CCDC171: variants seen among roughly 807,000 people sequenced by gnomAD.
The protein encoded by CCDC171 is coiled-coil domain containing 171.
A neutral mutation model predicts 168.2 loss-of-function variants in CCDC171; 177 were observed. That is an observed-to-expected ratio of 1.05 (90% CI 0.93 to 1.19). CCDC171 has a LOEUF of 1.19. Among genes scored for constraint, CCDC171 ranks in the 50% most tolerant of loss-of-function variants. The pLI, the probability that CCDC171 is intolerant of heterozygous loss-of-function variation, is 0.00. For missense variants in CCDC171, 1,991 were observed against 1,539.0 expected (o/e 1.29, Z -4.91); for synonymous variants, 687 against 540.8 (o/e 1.27, Z -3.75).
intron 7 of CCDC171, among the ~76,000 whole-genome samples, chr9:15,656,327 A>G (rs1326705971): frequency 6.6e-6 from 1 of 152,116 alleles, no homozygotes; most frequent in Admixed American, 6.5e-5. Context: ...GTCTCAAAAA[A>G]AAAAAAAAAC....
At chr9:15,652,538 C>G (rs536189178) in intron 7 of CCDC171, among the ~76,000 whole-genome samples, 2 of 151,598 alleles carry the variant, frequency 1.3e-5, no homozygotes, top group Non-Finnish European at 2.9e-5. Context: ...TCAAGCCATT[C>G]TCTCACCTTA....
chr9:16,072,366 G>A, the CCDC171 span, among the ~76,000 whole-genome samples: 6,075 of 152,202 alleles, frequency 0.04, 381 homozygotes, highest in African/African-American at 0.13. Flanking sequence ...GAGGCAGGGA[G>A]CTCCTCTGGC....
intron 16 of CCDC171, among the ~76,000 whole-genome samples, chr9:15,732,491 G>A (rs1349718446): frequency 2.6e-5 from 4 of 152,038 alleles, no homozygotes; most frequent in African/African-American, 9.7e-5. Context: ...CCACAGACTT[G>A]TCCATCTATA....
intron 6 of CCDC171, among the ~76,000 whole-genome samples, chr9:15,609,544 T>C (rs1274983135): frequency 6.6e-6 from 1 of 152,204 alleles, no homozygotes; most frequent in African/African-American, 2.4e-5. Context: ...TTTTTCCAAA[T>C]AGATAGCCAA....
At chr9:16,073,592 CATTTAT>C in the CCDC171 span, among the ~76,000 whole-genome samples, 2 of 152,024 alleles carry the variant, frequency 1.3e-5, no homozygotes, top group African/African-American at 4.8e-5. Context: ...GAATATAAAC[CATTTAT>C]ATTTATATTT....
rs894677717 is a variant in CCDC171, at chr9:16,053,444, A to C, written n.90-7202A>C. Among the ~76,000 whole-genome samples, 37 of 152,250 alleles carry C rather than the reference A, an allele frequency of 2.4e-4. 1 individual carries two copies. The highest frequency in any genetic ancestry group is 2.4e-3 in the Admixed American group (37 of 15,290). Reference sequence around the variant, plus strand: ...TAAGGGCTCACATGTCAGCCCTGCCACTTACATGCTCTGTGTCTAGTCAGG... The same window carrying C: ...TAAGGGCTCACATGTCAGCCCTGCCCCTTACATGCTCTGTGTCTAGTCAGG... On this transcript the variant is annotated intron_variant and non_coding_transcript_variant, in intron 1 of 1. Transcript: ENST00000478913.
intron 1 of CCDC171, among the ~76,000 whole-genome samples, chr9:15,556,373 C>G (rs193054966): frequency 2.4e-4 from 36 of 152,114 alleles, no homozygotes; most frequent in African/African-American, 8.4e-4. Flanking sequence ...AAAAGTGTTC[C>G]TATTTCTCCA....
At chr9:15,896,446 G>C (rs1820911407) in intron 24 of CCDC171, among the ~76,000 whole-genome samples, 2 of 152,168 alleles carry the variant, frequency 1.3e-5, no homozygotes, top group African/African-American at 4.8e-5. Context: ...AACTTTGAGT[G>C]ATGGGATAAG....
intron 19 of CCDC171, 63 bp from the exon 20 acceptor site, chr9:15,778,905 G>T (rs2057497272): frequency 5.3e-6 from 6 of 1,140,392 alleles, no homozygotes; most frequent in East Asian, 5.6e-5. Context: ...TAGTAAAATG[G>T]TTATTGCTAT....
At chr9:15,925,591 G>C (rs149401778) in intron 25 of CCDC171, among the ~76,000 whole-genome samples, 1 of 151,558 alleles carries the variant, frequency 6.6e-6, no homozygotes, top group Non-Finnish European at 1.5e-5. Context: ...TGAGGAACCA[G>C]CTAGACATGA....
chr9:15,574,912 G>C (rs1563967324), intron 3 of CCDC171, among the ~76,000 whole-genome samples: 2 of 152,188 alleles, frequency 1.3e-5, no homozygotes, highest in Non-Finnish European at 2.9e-5. Context: ...AGAGGGTACA[G>C]GGAGAAGAAT....
intron 10 of CCDC171, among the ~76,000 whole-genome samples, chr9:15,688,739 C>G (rs2050584065): frequency 6.6e-6 from 1 of 152,158 alleles, no homozygotes; most frequent in African/African-American, 2.4e-5. Flanking sequence ...AAACCTACAT[C>G]TGACATTACA....
At chr9:15,606,966 T>G in intron 6 of CCDC171, among the ~76,000 whole-genome samples, 1 of 152,236 alleles carries the variant, frequency 6.6e-6, no homozygotes, top group Non-Finnish European at 1.5e-5. Flanking sequence ...AAATATGTTC[T>G]GTAACAAAAA....
At chr9:15,722,182 A>C (rs2053528800) in intron 12 of CCDC171, among the ~76,000 whole-genome samples, 1 of 152,214 alleles carries the variant, frequency 6.6e-6, no homozygotes, top group African/African-American at 2.4e-5. Context: ...GTTTAAGTTA[A>C]TATGTACTGT....
At chr9:15,831,711 T>C (rs1213020903) in intron 21 of CCDC171, among the ~76,000 whole-genome samples, 1 of 152,194 alleles carries the variant, frequency 6.6e-6, no homozygotes, top group Non-Finnish European at 1.5e-5. Context: ...AGAGGGTTCT[T>C]ATTAAATTCA....
intron 21 of CCDC171, among the ~76,000 whole-genome samples, chr9:15,836,004 C>T (rs930794984): frequency 2.6e-5 from 4 of 152,010 alleles, no homozygotes; most frequent in Admixed American, 2.6e-4. Context: ...ACATACTCAC[C>T]TAAGTCTCAG....
chr9:15,762,155 CTT>C (rs763343953), intron 18 of CCDC171, among the ~76,000 whole-genome samples: 32 of 122,640 alleles, frequency 2.6e-4, no homozygotes, highest in Non-Finnish European at 2.4e-4. Flanking sequence ...GAGCCTGAAG[CTT>C]TTTTTTTTTT....
chr9:15,702,104 A>C (rs1289106811), intron 11 of CCDC171, among the ~76,000 whole-genome samples: 1 of 152,230 alleles, frequency 6.6e-6, no homozygotes, highest in Non-Finnish European at 1.5e-5. Context: ...TTGGGTGACC[A>C]AGTACATTGT....
At chr9:15,658,862 T>A (rs1204925049) in intron 8 of CCDC171, among the ~76,000 whole-genome samples, 1 of 152,204 alleles carries the variant, frequency 6.6e-6, no homozygotes, top group African/African-American at 2.4e-5. Flanking sequence ...AATACATTTA[T>A]GTTGTTTTAA....
Sources: gnomAD v4.1 joint callset for allele counts (sites outside exome capture counted in the v4.1 genomes callset) on GRCh38, gnomAD v4.1.1 for gene constraint, MANE v1.5 for transcripts, NCBI Gene and HGNC (gene_info 2026-07-23, HGNC 2026-07-21) for gene names.